Variants in MT1M observed in about 807,000 individuals in gnomAD.
MT1M encodes metallothionein 1M.
Under a neutral mutation model 8.5 loss-of-function variants are expected in MT1M, and 11 were observed. The observed-to-expected ratio is 1.29, with a 90% CI of 0.81 to 2.14. The LOEUF is 2.14. Ranked by LOEUF, MT1M falls within the 30% of genes most tolerant of loss-of-function variation. The probability of loss-of-function intolerance (pLI) is 0.00; values close to 1 mark genes in which losing one functional copy is unlikely to be tolerated. For missense variants in MT1M, 84 were observed against 76.6 expected (o/e 1.10, Z -0.36); for synonymous variants, 28 against 30.0 (o/e 0.93, Z 0.22).
At chr16:56,632,837 CG>C in intron 1 of MT1M, 78 bp downstream of exon 1, 2 of 1,565,796 alleles carry the variant, frequency 1.3e-6, no homozygotes, top group Non-Finnish European at 1.8e-6. Context: ...TTGAGGAGGT[CG>C]CATTTAAGTT....
At chr16:56,632,894 G>A (rs1960307524) in intron 1 of MT1M, 135 bp downstream of exon 1, 1 of 1,189,082 alleles carries the variant, frequency 8.4e-7, no homozygotes, top group African/African-American at 1.5e-5. Flanking sequence ...CTTTCTTCCT[G>A]ATCTCCCCTC....
chr16:56,633,047 G>T (rs1353052471), intron 1 of MT1M, among the ~76,000 whole-genome samples: 1 of 152,218 alleles, frequency 6.6e-6, no homozygotes, highest in Non-Finnish European at 1.5e-5. Flanking sequence ...GAGCAATCAG[G>T]GTGGACTGGG....
chr16:56,633,394 C>T lies in MT1M; in HGVS notation c.83C>T (p.Ser28Phe). ...SCTCKECKCT[S>F]CKKSCCSCCP... ...ACGTGCAAAGAGTGCAAATGCACCT[C>T]CTGCAAGAAGAGTGAGTGCGGGGCC... The change falls in exon 2 of 3, where the codon TCC (serine) becomes TTC (phenylalanine). Residue 28 changes from serine to phenylalanine, a missense_variant. By Grantham distance (155) the Ser-to-Phe change is radical. Transcript: ENST00000379818. 1.9e-6 allele frequency: 3 copies of T among 1,614,234 alleles called. No individual in the cohort carries two copies. Among genetic ancestry groups the T allele is most frequent in the Non-Finnish European group, 1.7e-6 (2 of 1,180,042 alleles).
intron 2 of MT1M, 145 bp downstream of exon 2, chr16:56,633,550 C>T (rs534195583): frequency 2.1e-5 from 33 of 1,593,490 alleles, no homozygotes; most frequent in Non-Finnish European, 2.5e-5. Flanking sequence ...GCTTTCTGCC[C>T]TAAATTCAGA....
In MT1M at chr16:56,633,727, C is replaced by A. The variant is rs762525722; in HGVS notation, c.95-24C>A. 6 of 1,613,576 alleles carry A rather than the reference C, an allele frequency of 3.7e-6. No homozygotes were observed. The South Asian group carries it at 6.6e-5, about 18-fold the overall frequency. On this transcript the variant is annotated intron_variant, in intron 2 of 2. Coordinates refer to ENST00000379818, the MANE Select transcript of MT1M (RefSeq NM_176870.3). ...CGGTGCCCGGTCAAGTCTACTGCTA[C>A]CTCTCTCTCCCCTTCTTCCCCAGGC... is the stretch of plus-strand genomic sequence containing the variant.
chr16:56,633,350 C>A lies in MT1M; in HGVS notation c.39C>A (p.Cys13Ter), dbSNP rs199506795. Residue 13 changes from cysteine to a stop codon, truncating the protein, a stop_gained, in exon 2 of 3, where the codon TGC (cysteine) becomes TGA (stop). Coordinates refer to ENST00000379818, the MANE Select transcript of MT1M (RefSeq NM_176870.3). LOFTEE classifies it high-confidence loss of function. ...PNCSCTTGVS[C>*]ACTGSCTCKE... is the part of the protein sequence containing the mutation. Reference sequence around the variant, plus strand: ...TTCTCTTCCTTGCAGGTGTCTCCTGCGCCTGCACCGGCTCCTGCACGTGCA... The same window carrying A: ...TTCTCTTCCTTGCAGGTGTCTCCTGAGCCTGCACCGGCTCCTGCACGTGCA... 5 of 1,614,102 alleles carry A rather than the reference C, an allele frequency of 3.1e-6. No homozygotes were observed. The highest frequency in any genetic ancestry group is 3.3e-5 in the Admixed American group (2 of 60,006).
intron 1 of MT1M, among the ~76,000 whole-genome samples, chr16:56,633,000 C>A (rs1379175371): frequency 1.3e-5 from 2 of 152,226 alleles, no homozygotes; most frequent in Non-Finnish European, 2.9e-5. Context: ...TGGTTAGGGT[C>A]CTGCTGGCTG....
At position 56,633,793 on chromosome 16, in the gene MT1M, A is replaced by G. The variant is rs766202369; in HGVS notation, c.137A>G (p.His46Arg). ...CCPVGCAKCA[H>R]GCVCKGTLEN... ...CCCGTGGGCTGTGCCAAGTGTGCCC[A>G]CGGCTGTGTCTGCAAAGGGACGTTG... is the stretch of plus-strand genomic sequence containing the variant. The change falls in exon 3 of 3, where the codon CAC becomes CGC. Residue 46 changes from histidine to arginine, a missense_variant. Transcript: ENST00000379818. 6.2e-7 allele frequency: 1 copy of G among 1,614,170 alleles called. No individual in the cohort carries two copies. The highest frequency in any genetic ancestry group is 2.2e-5 in the East Asian group (1 of 44,878).
intron 1 of MT1M, 40 bp downstream of exon 1, chr16:56,632,799 C>T: frequency 6.2e-7 from 1 of 1,613,494 alleles, no homozygotes; most frequent in Non-Finnish European, 8.5e-7. Context: ...ATCCCATTTC[C>T]CAGCCCCAGT....
intron 1 of MT1M, among the ~76,000 whole-genome samples, 157 bp downstream of exon 1, chr16:56,632,916 C>T (rs568821900): frequency 6.6e-6 from 1 of 152,306 alleles, no homozygotes; most frequent in Non-Finnish European, 1.5e-5. Flanking sequence ...GAGAGCACTG[C>T]CCTCCCTCCT....
Position 56,633,200 on chromosome 16 carries a change from G to C in MT1M, c.29-140G>C, listed in dbSNP as rs1183456482. The C allele has an allele frequency of 2.1e-6, 3 of 1,400,402 alleles. No homozygotes were observed. The Admixed American group carries it at 5.4e-5, about 25-fold the overall frequency. The allele number at this position is 1,400,402 out of a possible 1,614,324, so 86.7% of individuals were successfully genotyped here. A position where few individuals can be genotyped will look rare whatever the true frequency, so the allele number is the denominator to read the frequency against. On this transcript the variant is annotated intron_variant, in intron 1 of 2. Coordinates refer to ENST00000379818, the MANE Select transcript of MT1M (RefSeq NM_176870.3). ...TTGCCCTTCCCAGCGTTAGTGGAGA[G>C]GACAGGGGCTTTCCCTGAGTGGGAA...
chr16:56,633,700 G>A (rs780913328), intron 2 of MT1M, 51 bp from the exon 3 acceptor site: 9 of 1,609,654 alleles, frequency 5.6e-6, no homozygotes, highest in Middle Eastern at 3.3e-4. Flanking sequence ...ATTGGGGCAG[G>A]GCGGTGCCCG....
intron 1 of MT1M, 147 bp downstream of exon 1, chr16:56,632,906 G>A (rs1252464067): frequency 4.0e-5 from 43 of 1,086,636 alleles, no homozygotes; most frequent in Non-Finnish European, 5.5e-5. Context: ...TCTCCCCTCT[G>A]AGAGCACTGC....
Position 56,633,832 on chromosome 16 carries a change from G to A in MT1M, c.176G>A (p.Cys59Tyr). The A allele has an allele frequency of 6.2e-7, 1 of 1,614,216 alleles. No individual in the cohort carries two copies. Among genetic ancestry groups the A allele is most frequent in the Non-Finnish European group, 8.5e-7 (1 of 1,180,048 alleles). Reference protein sequence around the residue: ...VCKGTLENCSCCA With the variant: ...VCKGTLENCSYCA The stretch of plus-strand genomic sequence containing the variant: ...AAAGGGACGTTGGAGAACTGCAGCT[G>A]CTGTGCCTGATGTGGGAACAGCTCT... Residue 59 changes from cysteine (C) to tyrosine (Y), a missense_variant, in exon 3 of 3, where the codon TGC (cysteine) becomes TAC (tyrosine). Cys to Tyr is a radical substitution (Grantham distance 194). Coordinates refer to ENST00000379818, the MANE Select transcript of MT1M (RefSeq NM_176870.3).
intron 1 of MT1M, 141 bp downstream of exon 1, chr16:56,632,900 C>T (rs1191086127): frequency 1.8e-6 from 2 of 1,137,186 alleles, no homozygotes; most frequent in Non-Finnish European, 2.6e-6. Context: ...TCCTGATCTC[C>T]CCTCTGAGAG....
chr16:56,633,312 G>A, intron 1 of MT1M, 28 bp from the exon 2 acceptor site: 1 of 1,614,166 alleles, frequency 6.2e-7, no homozygotes, highest in East Asian at 2.2e-5. Context: ...CTCACTCACT[G>A]CCCACTGCGT....
At chr16:56,632,838 G>T (rs1284566617) in intron 1 of MT1M, 79 bp downstream of exon 1, 20 of 1,560,682 alleles carry the variant, frequency 1.3e-5, no homozygotes, top group Non-Finnish European at 1.6e-5. Flanking sequence ...TGAGGAGGTC[G>T]CATTTAAGTT....
rs370136556 is a variant in MT1M at position 56,633,388 on chromosome 16, G to A, written c.77G>A (p.Cys26Tyr). The A allele has an allele frequency of 1.9e-6, 3 of 1,614,102 alleles. No homozygotes were observed. The African/African-American group carries it at 4.0e-5, about 22-fold the overall frequency. Residue 26 changes from cysteine (C) to tyrosine (Y), a missense_variant, in exon 2 of 3, where the codon TGC becomes TAC. By Grantham distance (194) the Cys-to-Tyr change is radical. Transcript: ENST00000379818. ...TGSCTCKECK[C>Y]TSCKKSCCSC... ...TCCTGCACGTGCAAAGAGTGCAAAT[G>A]CACCTCCTGCAAGAAGAGTGAGTGC...
chr16:56,633,870 T>A lies in MT1M; in HGVS notation c.*28T>A, dbSNP rs143033219. The A allele has an allele frequency of 5.2e-4, 833 of 1,611,724 alleles. 5 individuals carry two copies. The African/African-American group carries it at 9.2e-3, about 18-fold the overall frequency. On this transcript the variant is annotated 3_prime_UTR_variant, in exon 3 of 3. Transcript: ENST00000379818. The stretch of plus-strand genomic sequence containing the variant: ...TGGGAACAGCTCTTCTCCCAGATGT[T>A]AATAGAACAAGCTGCACAACCTGGA...
Sources: gnomAD v4.1 joint callset for allele counts (sites outside exome capture counted in the v4.1 genomes callset) on GRCh38, gnomAD v4.1.1 for gene constraint, MANE v1.5 for transcripts, NCBI Gene and HGNC (gene_info 2026-07-23, HGNC 2026-07-21) for gene names.